Variants in CNN3 observed in about 807,000 individuals in gnomAD.
CNN3 encodes calponin 3.
A neutral mutation model predicts 39.0 loss-of-function variants in CNN3; 11 were observed. That is an observed-to-expected ratio of 0.28 (90% confidence interval 0.18 to 0.47). The LOEUF (loss-of-function observed/expected upper bound fraction) is 0.47. Among genes scored for constraint, CNN3 ranks in the 20% least tolerant of loss-of-function variants. The pLI, the probability that CNN3 is intolerant of heterozygous loss-of-function variation, is 0.99. For missense variants in CNN3, 266 were observed against 403.4 expected (o/e 0.66, Z 2.92); for synonymous variants, 101 against 138.3 (o/e 0.73, Z 1.89).
At chr1:94,905,844 A>G (rs1348714956) in intron 1 of CNN3, among the ~76,000 whole-genome samples, 1 of 152,090 alleles carries the variant, frequency 6.6e-6, no homozygotes, top group African/African-American at 2.4e-5. Context: ...TACAGGCATG[A>G]GCCACCACCC....
At position 94,903,521 on chromosome 1, in the gene CNN3, C is replaced by A; in HGVS notation, c.61G>T (p.Ala21Ser). 3.7e-6 allele frequency: 6 copies of A among 1,613,906 alleles called. No homozygotes were observed. The highest frequency in any genetic ancestry group is 5.1e-6 in the Non-Finnish European group (6 of 1,179,908). ...GLSAEVKNKI[A>S]SKYDHQAEED... ...TCTGCCTGATGATCATACTTGGAAG[C>A]AATCTGAAATACAGGTTAACTCACT... is the stretch of plus-strand genomic sequence containing the variant. Residue 21 changes from alanine (A) to serine (S), a missense_variant, in exon 2 of 7, where the codon GCT (alanine) becomes TCT (serine). Physicochemically the swap from Ala to Ser is moderately conservative, Grantham distance 99. Coordinates refer to ENST00000370206, the MANE Select transcript of CNN3 (RefSeq NM_001839.5).
At chr1:94,902,434 G>C (rs1490930103) in intron 3 of CNN3, among the ~76,000 whole-genome samples, 176 bp from the exon 4 acceptor site, 4 of 152,222 alleles carry the variant, frequency 2.6e-5, no homozygotes, top group African/African-American at 9.6e-5. Context: ...AGCAAGAAGA[G>C]AGTGTGTCTC....
At chr1:94,907,551 T>G (rs1671034521) in intron 1 of CNN3, among the ~76,000 whole-genome samples, 1 of 152,182 alleles carries the variant, frequency 6.6e-6, no homozygotes, top group Admixed American at 6.5e-5. Context: ...GAAATTTCAC[T>G]CTAATTTACT....
At chr1:94,904,986 AT>A (rs1670959437) in intron 1 of CNN3, among the ~76,000 whole-genome samples, 1 of 152,214 alleles carries the variant, frequency 6.6e-6, no homozygotes, top group African/African-American at 2.4e-5. Flanking sequence ...GCATCTTGAC[AT>A]TTTAGTCACA....
chr1:94,919,874 C>T (rs77174961), intron 1 of CNN3, among the ~76,000 whole-genome samples: 2,012 of 152,172 alleles, frequency 0.013, 46 homozygotes, highest in African/African-American at 0.046. Flanking sequence ...TTCCTGGTCC[C>T]TCCCTACCTT....
rs149171141 is a variant in CNN3, at chr1:94,925,724, C to T, written c.57+1114G>A. ...CCAGTGCCTTCCACCAGCGGTCGGA[C>T]GGTGCGGTGGCAATCCTGACATGCT... On this transcript the variant is annotated intron_variant, in intron 1 of 6. Coordinates refer to ENST00000370206, the MANE Select transcript of CNN3 (RefSeq NM_001839.5). 598 of 985,476 alleles carry T rather than the reference C, an allele frequency of 6.1e-4. 1 individual carries two copies. The African/African-American group carries it at 8.4e-3, about 14-fold the overall frequency. 61.0% of individuals were successfully genotyped at this position (985,476 alleles called of 1,614,324 possible). A position where few individuals can be genotyped will look rare whatever the true frequency, so the allele number is the denominator to read the frequency against.
At chr1:94,914,164 G>C (rs530593485) in intron 1 of CNN3, among the ~76,000 whole-genome samples, 3 of 152,176 alleles carry the variant, frequency 2.0e-5, no homozygotes, top group African/African-American at 7.2e-5. Context: ...TGTCTCTTCA[G>C]CAGGACCTCT....
rs1177750135 is a variant in CNN3, at chr1:94,903,104, G to T, written c.246+18C>A. The T allele has an allele frequency of 2.0e-6, 3 of 1,529,732 alleles. No individual in the cohort carries two copies. Among genetic ancestry groups the T allele is most frequent in the South Asian group, 2.5e-5 (2 of 78,632 alleles). The allele number at this position is 1,529,732 out of a possible 1,614,324, so 94.8% of individuals were successfully genotyped here. A position where few individuals can be genotyped will look rare whatever the true frequency, so the allele number is the denominator to read the frequency against. The stretch of plus-strand genomic sequence containing the variant: ...AATGCAACCAACTAGAACCAGAGGT[G>T]GTTGGTTTGGCTGTTACCTGAGGCC... On this transcript the variant is annotated intron_variant, in intron 3 of 6. Coordinates refer to ENST00000370206, the MANE Select transcript of CNN3 (RefSeq NM_001839.5).
intron 1 of CNN3, among the ~76,000 whole-genome samples, chr1:94,915,430 G>A (rs1008395516): frequency 1.3e-5 from 2 of 152,130 alleles, no homozygotes; most frequent in Admixed American, 6.5e-5. Flanking sequence ...CAGTCCCGAA[G>A]TCTGCAAGGA....
At position 94,925,617 on chromosome 1, in the gene CNN3, C is replaced by T. The variant is rs1272084618; in HGVS notation, c.57+1221G>A. 1.6e-5 allele frequency: 16 copies of T among 985,300 alleles called. No homozygotes were observed. The South Asian group carries it at 3.8e-4, about 23-fold the overall frequency. 61.0% of individuals were successfully genotyped at this position (985,300 alleles called of 1,614,324 possible). On this transcript the variant is annotated intron_variant, in intron 1 of 6. Coordinates refer to ENST00000370206, the MANE Select transcript of CNN3 (RefSeq NM_001839.5). ...ACAACTCTCCCTTGGGGTTTGACAA[C>T]GGTGCGCTTCATTACCTCTTTACAT...
chr1:94,926,932 CG>C lies in CNN3; in HGVS notation c.-39del. 6.3e-7 allele frequency: 1 copy of C among 1,594,224 alleles called. No homozygotes were observed. ...GGCGGGAAGAGACAGCGCTGGGGTC[CG>C]GGGTCTCTCGCACTTCGCTTCCCCG... On this transcript the variant is annotated 5_prime_UTR_variant, in exon 1 of 7. Transcript: ENST00000370206. This position sits in a 1 kb window ranked among gnomAD's most constrained non-coding sequence, Gnocchi z 4.2.
At chr1:94,920,288 T>C (rs1671407951) in intron 1 of CNN3, among the ~76,000 whole-genome samples, 1 of 152,152 alleles carries the variant, frequency 6.6e-6, no homozygotes, top group Non-Finnish European at 1.5e-5. Flanking sequence ...CTGGGGCAGA[T>C]CACATTCCTG....
chr1:94,903,336 G>T, intron 2 of CNN3, 67 bp downstream of exon 2: 1 of 1,546,416 alleles, frequency 6.5e-7, no homozygotes, highest in Non-Finnish European at 8.7e-7. Context: ...CTGAGAAGGA[G>T]AGTGAGAGAG....
intron 1 of CNN3, among the ~76,000 whole-genome samples, chr1:94,918,215 G>A (rs970687740): frequency 6.6e-5 from 10 of 152,040 alleles, no homozygotes; most frequent in African/African-American, 1.2e-4. Flanking sequence ...TAATTGGGCC[G>A]GGCACAGTGG....
intron 5 of CNN3, among the ~76,000 whole-genome samples, chr1:94,900,911 A>G (rs559484851): frequency 6.6e-6 from 1 of 152,308 alleles, no homozygotes; most frequent in East Asian, 1.9e-4. Context: ...GGTCAATAAC[A>G]TTAAGGAATT....
In CNN3 at chr1:94,897,903, T is replaced by C. The variant is rs1418663311; in HGVS notation, c.829A>G (p.Thr277Ala). The stretch of plus-strand genomic sequence containing the variant: ...CTTCCGTTGTGAATGACAGGTTCTG[T>C]AGGAGCAGCACAGTATTTGGGATCA... ...VYDPKYCAAP[T>A]EPVIHNGSQG... Residue 277 changes from threonine (T) to alanine (A), a missense_variant, in exon 7 of 7, where the codon ACA becomes GCA. By Grantham distance (58) the Thr-to-Ala change is moderately conservative. Transcript: ENST00000370206. The C allele has an allele frequency of 4.3e-6, 7 of 1,614,144 alleles. No homozygotes were observed. The highest frequency in any genetic ancestry group is 4.5e-5 in the East Asian group (2 of 44,884).
At chr1:94,922,003 C>T (rs1482450021) in intron 1 of CNN3, among the ~76,000 whole-genome samples, 1 of 152,150 alleles carries the variant, frequency 6.6e-6, no homozygotes, top group African/African-American at 2.4e-5. Flanking sequence ...GACACCTCTA[C>T]CATTCCTAAC....
At chr1:94,903,069 C>A in intron 3 of CNN3, 53 bp downstream of exon 3, 1 of 1,314,212 alleles carries the variant, frequency 7.6e-7, no homozygotes, top group South Asian at 1.8e-5. Flanking sequence ...ATCAAGTTTT[C>A]ACTACATAAA....
At chr1:94,915,327 C>T (rs540540588) in intron 1 of CNN3, among the ~76,000 whole-genome samples, 33 of 152,274 alleles carry the variant, frequency 2.2e-4, no homozygotes, top group Admixed American at 1.8e-3. Context: ...GAAGTCCAAG[C>T]TTCTTAAACA....
Sources: allele counts gnomAD v4.1 joint callset (sites outside exome capture counted in the v4.1 genomes callset), GRCh38; gene constraint gnomAD v4.1.1; non-coding constraint Gnocchi (gnomAD v3.1); transcripts MANE v1.5; gene names NCBI Gene and HGNC (gene_info 2026-07-23, HGNC 2026-07-21).